GPD1L: variants seen among roughly 807,000 people sequenced by gnomAD.
The protein encoded by GPD1L is glycerol-3-phosphate dehydrogenase 1-like protein.
GPD1L carries 17 observed loss-of-function variants against 32.9 expected under a neutral mutation model. The observed-to-expected ratio is 0.52, with a 90% CI of 0.35 to 0.78. GPD1L has a LOEUF of 0.78. Ranked by LOEUF, GPD1L falls within the 30% of genes least tolerant of loss-of-function variation. GPD1L has a pLI of 0.01. For missense variants in GPD1L, 361 were observed against 447.8 expected, an observed-to-expected ratio of 0.81 and a Z score of 1.75; for synonymous variants, 187 against 165.9, an observed-to-expected ratio of 1.13 and a Z score of -0.98.
intron 1 of GPD1L, among the ~76,000 whole-genome samples, chr3:32,110,825 T>G (rs973607752): frequency 1.3e-5 from 2 of 152,202 alleles, no homozygotes; most frequent in African/African-American, 4.8e-5. Context: ...AACAAAAGCT[T>G]CTCAGGTTCT....
At chr3:32,129,955 C>A (rs183826527) in intron 2 of GPD1L, among the ~76,000 whole-genome samples, 1 of 152,130 alleles carries the variant, frequency 6.6e-6, no homozygotes, top group Non-Finnish European at 1.5e-5. Context: ...CCCTGCCTGG[C>A]GCCAGTCCCT....
intron 5 of GPD1L, among the ~76,000 whole-genome samples, chr3:32,155,207 AG>A (rs1463354868): frequency 6.6e-6 from 1 of 152,080 alleles, no homozygotes; most frequent in Non-Finnish European, 1.5e-5. Flanking sequence ...GCCAGGCACC[AG>A]GGGCACATCC....
intron 1 of GPD1L, among the ~76,000 whole-genome samples, chr3:32,119,776 C>A (rs57608505): frequency 6.6e-6 from 1 of 152,080 alleles, no homozygotes; most frequent in Non-Finnish European, 1.5e-5. Flanking sequence ...CAAAGGACCA[C>A]GCTTTTGCCC....
intron 5 of GPD1L, chr3:32,158,650 C>A: frequency 1.1e-6 from 1 of 926,980 alleles, no homozygotes. Context: ...AACTGCTGAC[C>A]CCAAATATGG....
chr3:32,146,751 G>A lies in GPD1L; in HGVS notation c.618+17G>A, dbSNP rs775325609. On this transcript the variant is annotated intron_variant, in intron 5 of 7. Coordinates refer to ENST00000282541, the MANE Select transcript of GPD1L (RefSeq NM_015141.4). ...GCGCTTAAGGTAAAGTCAGCCTCAGGGGAGGAGTTCATCAAGCAAGGCAAA... is the reference window on the plus strand; with the variant it reads ...GCGCTTAAGGTAAAGTCAGCCTCAGAGGAGGAGTTCATCAAGCAAGGCAAA... 1 of 1,424,036 alleles carries A rather than the reference G, an allele frequency of 7.0e-7. No homozygotes were observed. Among genetic ancestry groups the A allele is most frequent in the Non-Finnish European group, 9.9e-7 (1 of 1,008,366 alleles). The allele number at this position is 1,424,036 out of a possible 1,614,324, so 88.2% of individuals were successfully genotyped here. A position where few individuals can be genotyped will look rare whatever the true frequency, so the allele number is the denominator to read the frequency against.
At chr3:32,153,071 G>C (rs551120809) in intron 5 of GPD1L, among the ~76,000 whole-genome samples, 20 of 152,148 alleles carry the variant, frequency 1.3e-4, no homozygotes, top group Non-Finnish European at 2.5e-4. Context: ...AATAGATTGG[G>C]GATAAAGCAG....
chr3:32,130,978 G>A (rs1700579808), intron 2 of GPD1L, among the ~76,000 whole-genome samples: 1 of 151,682 alleles, frequency 6.6e-6, no homozygotes. Context: ...TTGCCCCGCT[G>A]CACTCCAGCC....
chr3:32,120,834 G>A (rs560035375), intron 1 of GPD1L, among the ~76,000 whole-genome samples: 28 of 152,250 alleles, frequency 1.8e-4, no homozygotes, highest in Admixed American at 3.3e-4. Flanking sequence ...CCATTCCTTG[G>A]CTGAAGTAGT....
At position 32,140,242 on chromosome 3, in the gene GPD1L, C is replaced by T; in HGVS notation, c.381C>T (p.Gly127=). 1 of 1,613,980 alleles carries T rather than the reference C, an allele frequency of 6.2e-7. No homozygotes were observed. The highest frequency in any genetic ancestry group is 8.5e-7 in the Non-Finnish European group (1 of 1,179,958). The change falls in exon 4 of 8, where the codon GGC becomes GGT. Residue 127 remains glycine (G), a synonymous_variant. Coordinates refer to ENST00000282541, the MANE Select transcript of GPD1L (RefSeq NM_015141.4). The part of the protein sequence containing the change: ...GITLIKGIDE[G]PEGLKLISDI... ...CATCCTTGTAGGGCATAGACGAGGG[C>T]CCCGAGGGGCTGAAGCTCATTTCTG...
At chr3:32,135,430 C>T (rs1052232964) in intron 2 of GPD1L, among the ~76,000 whole-genome samples, 6 of 151,812 alleles carry the variant, frequency 4.0e-5, no homozygotes, top group African/African-American at 9.7e-5. Flanking sequence ...GGGTTGGCAT[C>T]GAGAGGGTTG....
Position 32,165,935 on chromosome 3 carries a change from G to T in GPD1L, c.*25G>T. The T allele has an allele frequency of 7.8e-7, 1 of 1,279,920 alleles. No individual in the cohort carries two copies. Among genetic ancestry groups the T allele is most frequent in the Non-Finnish European group, 1.1e-6 (1 of 874,602 alleles). The allele number at this position is 1,279,920 out of a possible 1,614,324, so 79.3% of individuals were successfully genotyped here. ...AAGTGAATCATGCAACGTGTTGGGG[G>T]AAGTTCTGCCTTTCTGATCAATCTT... On this transcript the variant is annotated 3_prime_UTR_variant, in exon 8 of 8. Transcript: ENST00000282541.
chr3:32,127,617 C>T (rs928128874), intron 1 of GPD1L, among the ~76,000 whole-genome samples: 5 of 152,212 alleles, frequency 3.3e-5, no homozygotes, highest in Admixed American at 6.5e-5. Context: ...CTGGGCCCTG[C>T]GCTCTCCCTT....
At chr3:32,115,273 G>A (rs138172511) in intron 1 of GPD1L, among the ~76,000 whole-genome samples, 271 of 151,972 alleles carry the variant, frequency 1.8e-3, no homozygotes, top group African/African-American at 6.1e-3. Flanking sequence ...GACACAGAGT[G>A]CTGACTGGTG....
At chr3:32,158,846 G>A (rs749491704) in intron 5 of GPD1L, 30 bp from the exon 6 acceptor site, 16 of 1,609,024 alleles carry the variant, frequency 9.9e-6, no homozygotes, top group South Asian at 3.3e-5. Context: ...GTGCTGTAAC[G>A]GCATCTGGGC....
rs189616203 is a variant in GPD1L, at chr3:32,133,403, A to G, written c.225+5150A>G. Among the ~76,000 whole-genome samples, 224 of 152,310 alleles carry G rather than the reference A, an allele frequency of 1.5e-3. 1 individual carries two copies. The highest frequency in any genetic ancestry group is 5.3e-3 in the African/African-American group (219 of 41,566). On this transcript the variant is annotated intron_variant, in intron 2 of 7. Coordinates refer to ENST00000282541, the MANE Select transcript of GPD1L (RefSeq NM_015141.4). ...AGTAAGATTCATGGATTTTAGGGGGAAAAGTCTTCATTTGAATAACAGGAA... is the reference window on the plus strand; with the variant it reads ...AGTAAGATTCATGGATTTTAGGGGGGAAAGTCTTCATTTGAATAACAGGAA...
intron 1 of GPD1L, among the ~76,000 whole-genome samples, chr3:32,123,351 G>A (rs11713972): frequency 0.35 from 52,640 of 152,060 alleles, 9,625 homozygotes; most frequent in East Asian, 0.5. Flanking sequence ...AGAGTCTGAG[G>A]CCTCTTCAGA....
rs147248348 is a variant in GPD1L at position 32,132,374 on chromosome 3, A to G, written c.225+4121A>G. ...TGAGGAAGAACAAACCAGGATGAAG[A>G]GTTTTGTTTCAGTGCTTTTTAGGTG... is the stretch of plus-strand genomic sequence containing the variant. On this transcript the variant is annotated intron_variant, in intron 2 of 7. Coordinates refer to ENST00000282541, the MANE Select transcript of GPD1L (RefSeq NM_015141.4). 3.8e-3 allele frequency among the ~76,000 whole-genome samples: 581 copies of G among 152,294 alleles called. 5 individuals carry two copies. The highest frequency in any genetic ancestry group is 0.013 in the African/African-American group (521 of 41,568).
intron 1 of GPD1L, among the ~76,000 whole-genome samples, chr3:32,117,708 T>C (rs553670494): frequency 6.6e-6 from 1 of 152,316 alleles, no homozygotes; most frequent in South Asian, 2.1e-4. Context: ...AGAATATGCT[T>C]GTTTGAAGCA....
At chr3:32,108,368 G>A (rs2125465326) in intron 1 of GPD1L, among the ~76,000 whole-genome samples, 1 of 152,284 alleles carries the variant, frequency 6.6e-6, no homozygotes, top group East Asian at 1.9e-4. Context: ...TTAGCCAGGT[G>A]TGGTGGCAGG....
Sources: allele counts gnomAD v4.1 joint callset (sites outside exome capture counted in the v4.1 genomes callset), GRCh38; gene constraint gnomAD v4.1.1; transcripts MANE v1.5; gene names NCBI Gene and HGNC (gene_info 2026-07-23, HGNC 2026-07-21).